Variants in TMPRSS9 observed in about 807,000 individuals in gnomAD.
TMPRSS9 encodes the protein transmembrane serine protease 9.
In TMPRSS9, 113 loss-of-function variants were observed where a neutral mutation model predicts 111.4. The observed-to-expected ratio is 1.01, with a 90% CI of 0.87 to 1.19. TMPRSS9 has a LOEUF of 1.19. Ranked by LOEUF, TMPRSS9 falls within the 50% of genes most tolerant of loss-of-function variation. The probability of loss-of-function intolerance (pLI) is 0.00; values close to 1 mark genes in which losing one functional copy is unlikely to be tolerated. For synonymous variants in TMPRSS9, 805 were observed against 659.1 expected (o/e 1.22, Z -3.39); for missense variants, 1,803 against 1,513.1 (o/e 1.19, Z -3.18).
In TMPRSS9 at chr19:2,422,390, G is replaced by A. The variant is rs927544651; in HGVS notation, c.2548+143G>A. Reference sequence around the variant, plus strand: ...GTCAGGAGATCGAGACCATCCTGGCGAACACGGTGAAACCTTGTCTCTACT... The same window carrying A: ...GTCAGGAGATCGAGACCATCCTGGCAAACACGGTGAAACCTTGTCTCTACT... On this transcript the variant is annotated intron_variant, in intron 14 of 17. Transcript: ENST00000648592. 17 of 1,044,980 alleles carry A rather than the reference G, an allele frequency of 1.6e-5. No homozygotes were observed. In the South Asian group the frequency reaches 2.5e-4, roughly 16 times the overall value. The allele number at this position is 1,044,980 out of a possible 1,614,324, so 64.7% of individuals were successfully genotyped here. A position where few individuals can be genotyped will look rare whatever the true frequency, so the allele number is the denominator to read the frequency against.
rs144807396 is a variant in TMPRSS9, at chr19:2,374,900, T to C, written c.-26+14540T>C. The stretch of plus-strand genomic sequence containing the variant: ...GGACCATCCCTGTAGAAGTTCCTGC[T>C]CTCCGCTTCGGTTTGTTCACAAACT... On this transcript the variant is annotated intron_variant, in intron 1 of 17. Transcript: ENST00000649857. Among the ~76,000 whole-genome samples, 93 of 152,092 alleles carry C rather than the reference T, an allele frequency of 6.1e-4. No homozygotes were observed. In the East Asian group the frequency reaches 0.013, roughly 21 times the overall value.
chr19:2,413,063 T>G (rs1040864835), intron 9 of TMPRSS9, among the ~76,000 whole-genome samples: 2 of 151,970 alleles, frequency 1.3e-5, no homozygotes, highest in African/African-American at 4.8e-5. Flanking sequence ...GGCGTGGTGA[T>G]GCGTGCCTAT....
intron 1 of TMPRSS9, among the ~76,000 whole-genome samples, chr19:2,362,378 CATT>C (rs1970207805): frequency 6.9e-6 from 1 of 145,358 alleles, no homozygotes; most frequent in South Asian, 2.1e-4. Context: ...CCATGTGTGT[CATT>C]GTGCCTGTGA....
intron 1 of TMPRSS9, among the ~76,000 whole-genome samples, chr19:2,363,060 C>T (rs973373062): frequency 3.9e-5 from 6 of 152,162 alleles, no homozygotes; most frequent in Admixed American, 3.3e-4. Flanking sequence ...GGTAATTGGG[C>T]CCTGCAGAGC....
At chr19:2,408,368 G>A (rs763465811) in exon 8 of TMPRSS9, 15 of 1,613,354 alleles carry the variant, frequency 9.3e-6, no homozygotes, top group South Asian at 8.8e-5. Context: ...TCCAAGACCC[G>A]ACGAAGTGGG....
chr19:2,389,849 G>T, exon 1 of TMPRSS9: 2 of 1,614,066 alleles, frequency 1.2e-6, no homozygotes, highest in Non-Finnish European at 8.5e-7. Flanking sequence ...CCCCGCTCTG[G>T]ATGCCGCGTG....
chr19:2,362,869 G>A (rs1973438436), intron 1 of TMPRSS9, among the ~76,000 whole-genome samples: 1 of 151,688 alleles, frequency 6.6e-6, no homozygotes, highest in South Asian at 2.1e-4. Flanking sequence ...GGTTGTGTGA[G>A]GTTGTAATGT....
intron 1 of TMPRSS9, among the ~76,000 whole-genome samples, chr19:2,383,135 C>G (rs1261409456): frequency 6.6e-6 from 1 of 152,124 alleles, no homozygotes; most frequent in African/African-American, 2.4e-5. Flanking sequence ...AGGTGGATCA[C>G]CTGAGATCAG....
In TMPRSS9 at chr19:2,374,248, C is replaced by CTT. The variant is rs1027376774; in HGVS notation, c.-26+13924_-26+13925dup. Among the ~76,000 whole-genome samples, 441 of 70,418 alleles carry CTT rather than the reference C, an allele frequency of 6.3e-3. 86 individuals carry two copies. Among genetic ancestry groups the CTT allele is most frequent in the Non-Finnish European group, 8.5e-3 (312 of 36,536 alleles). The allele number at this position is 70,418 out of a possible 152,430, so 46.2% of individuals were successfully genotyped here. On this transcript the variant is annotated intron_variant, in intron 1 of 17. Transcript: ENST00000649857. ...TTTCATGCTGATTTCTCTCAACAAT[C>CTT]TTTTTTTTTTTTTTTTTTTTTTTTT...
At chr19:2,362,289 G>A (rs562936349) in intron 1 of TMPRSS9, among the ~76,000 whole-genome samples, 1 of 152,202 alleles carries the variant, frequency 6.6e-6, no homozygotes, top group South Asian at 2.1e-4. Flanking sequence ...GTCATGTGTG[G>A]TTGCGTATAG....
intron 17 of TMPRSS9, 137 bp downstream of exon 18, chr19:2,425,630 T>C (rs1971603825): frequency 5.1e-6 from 7 of 1,371,786 alleles, no homozygotes; most frequent in South Asian, 1.7e-5. Context: ...GGGAGCCTTT[T>C]TGGCTCTGGA....
rs767340267 is a variant in TMPRSS9, at chr19:2,422,086, TCA to T, written c.2390_2391del (p.Thr797SerfsTer34). ...ACCAGCCCCAGGACGACAGCTGGCC[TCA>T]CAGTCCCGGGGGCCACACCCAGCAG... On this transcript the variant is annotated frameshift_variant, in exon 14 of 18. Transcript: ENST00000648592. LOFTEE classifies it high-confidence loss of function. 1.2e-6 allele frequency: 2 copies of T among 1,608,040 alleles called. No homozygotes were observed. Among genetic ancestry groups the T allele is most frequent in the East Asian group, 2.2e-5 (1 of 44,754 alleles).
chr19:2,403,871 TAGTCCCAGCTATTTGG>T (rs1237584568), intron 6 of TMPRSS9, among the ~76,000 whole-genome samples: 3 of 151,452 alleles, frequency 2.0e-5, no homozygotes, highest in Non-Finnish European at 2.9e-5. Context: ...CGGGCGCCTG[TAGTCCCAGCTATTTGG>T]GAGGCTGAGG....
At chr19:2,362,260 CTGTG>C (rs964110967) in intron 1 of TMPRSS9, among the ~76,000 whole-genome samples, 4 of 151,342 alleles carry the variant, frequency 2.6e-5, no homozygotes, top group African/African-American at 9.7e-5. Flanking sequence ...GGCTGTATAA[CTGTG>C]TGTATAGTTG....
At chr19:2,362,878 G>T (rs563015977) in intron 1 of TMPRSS9, among the ~76,000 whole-genome samples, 1 of 151,680 alleles carries the variant, frequency 6.6e-6, no homozygotes, top group East Asian at 1.9e-4. Flanking sequence ...AGGTTGTAAT[G>T]TGTGGTTGTG....
rs1242619162 is a variant in TMPRSS9 at position 2,390,243 on chromosome 19, G to GT, written c.142+331dup. On this transcript the variant is annotated intron_variant, in intron 1 of 17. Transcript: ENST00000648592. The stretch of plus-strand genomic sequence containing the variant: ...AATACCCAAAGTAGTTTTTTTTTTT[G>GT]TTTTTTTTTTTTTTTGAGACGGAGT... Among the ~76,000 whole-genome samples the GT allele has an allele frequency of 3.6e-4, 46 of 129,020 alleles. 1 individual carries two copies. The highest frequency in any genetic ancestry group is 7.2e-4 in the African/African-American group (24 of 33,338). The allele number at this position is 129,020 out of a possible 152,430, so 84.6% of individuals were successfully genotyped here.
chr19:2,360,760 T>G (rs1226633844), intron 1 of TMPRSS9, among the ~76,000 whole-genome samples: 1 of 151,616 alleles, frequency 6.6e-6, no homozygotes, highest in Non-Finnish European at 1.5e-5. Context: ...CGGCCGGGGT[T>G]GTGTGGACTC....
At chr19:2,409,030 A>AATG (rs568420990) in intron 8 of TMPRSS9, among the ~76,000 whole-genome samples, 3,640 of 125,134 alleles carry the variant, frequency 0.029, 78 homozygotes, top group Middle Eastern at 0.044. Flanking sequence ...TAATAATAAT[A>AATG]ATGATGATGC....
intron 1 of TMPRSS9, among the ~76,000 whole-genome samples, 194 bp downstream of exon 2, chr19:2,390,121 C>T (rs926675729): frequency 6.6e-6 from 1 of 151,830 alleles, no homozygotes; most frequent in African/African-American, 2.4e-5. Context: ...TCAGTTTTCC[C>T]GACTAAAGAA....
Sources: gnomAD v4.1 joint callset for allele counts (sites outside exome capture counted in the v4.1 genomes callset) on GRCh38, gnomAD v4.1.1 for gene constraint, MANE v1.5 for transcripts, NCBI Gene and HGNC (gene_info 2026-07-23, HGNC 2026-07-21) for gene names.